GTF2F2: variants seen among roughly 807,000 people sequenced by gnomAD.
GTF2F2 encodes the protein general transcription factor IIF subunit 2.
Under a neutral mutation model 42.2 loss-of-function variants are expected in GTF2F2, and 23 were observed. The observed-to-expected ratio is 0.55, with a 90% confidence interval of 0.39 to 0.77. The LOEUF is 0.77. Ranked by LOEUF, GTF2F2 falls within the 30% of genes least tolerant of loss-of-function variation. GTF2F2 has a pLI of 0.00. For missense variants in GTF2F2, 261 were observed against 287.2 expected (o/e 0.91, Z 0.66); for synonymous variants, 105 against 100.8 (o/e 1.04, Z -0.25).
chr13:45,234,834 T>C (rs1171016993), intron 5 of GTF2F2, among the ~76,000 whole-genome samples: 10 of 151,666 alleles, frequency 6.6e-5, no homozygotes, highest in Admixed American at 3.9e-4. Flanking sequence ...TCACCTGAGG[T>C]TGAGAGTTTG....
chr13:45,266,341 C>T (rs1336705615), intron 6 of GTF2F2, among the ~76,000 whole-genome samples: 1 of 151,944 alleles, frequency 6.6e-6, no homozygotes, highest in Non-Finnish European at 1.5e-5. Context: ...ATATAATTAC[C>T]CCTTTCTCTT....
chr13:45,195,011 G>T (rs1872821638), intron 4 of GTF2F2, among the ~76,000 whole-genome samples: 1 of 152,176 alleles, frequency 6.6e-6, no homozygotes, highest in South Asian at 2.1e-4. Flanking sequence ...GGAAAATAAT[G>T]TATATTGATT....
rs111579138 is a variant in GTF2F2, at chr13:45,207,859, C to T, written c.386+354C>T. Reference sequence around the variant, plus strand: ...AATTTTTCCATAATAAATATGTATCCGAAATACTGTAACTGGGCCAGGCAT... The same window carrying T: ...AATTTTTCCATAATAAATATGTATCTGAAATACTGTAACTGGGCCAGGCAT... On this transcript the variant is annotated intron_variant, in intron 5 of 7. Transcript: ENST00000340473. Among the ~76,000 whole-genome samples the T allele has an allele frequency of 2.5e-3, 380 of 151,764 alleles. 4 individuals are homozygous for T. Among genetic ancestry groups the T allele is most frequent in the African/African-American group, 8.6e-3 (357 of 41,350 alleles).
chr13:45,149,652 A>T, intron 2 of GTF2F2, 118 bp from the exon 3 acceptor site: 1 of 1,023,228 alleles, frequency 9.8e-7, no homozygotes. Flanking sequence ...AATATTGGTT[A>T]ATCTCTGTAA....
chr13:45,237,240 T>C (rs1203762239), intron 5 of GTF2F2, among the ~76,000 whole-genome samples: 1 of 152,218 alleles, frequency 6.6e-6, no homozygotes, highest in African/African-American at 2.4e-5. Context: ...TTGCATGTTT[T>C]ACCTGCAGCT....
intron 4 of GTF2F2, among the ~76,000 whole-genome samples, chr13:45,172,204 C>G (rs1454359346): frequency 6.6e-6 from 1 of 152,182 alleles, no homozygotes; most frequent in Non-Finnish European, 1.5e-5. Flanking sequence ...TATAGCCAAC[C>G]AAGTGGATGG....
chr13:45,200,954 G>C (rs1248793112), intron 4 of GTF2F2, among the ~76,000 whole-genome samples: 1 of 152,222 alleles, frequency 6.6e-6, no homozygotes, highest in Admixed American at 6.5e-5. Flanking sequence ...ATGTTGGTCA[G>C]TAGTCCTCTG....
intron 6 of GTF2F2, among the ~76,000 whole-genome samples, chr13:45,265,027 G>A (rs560371805): frequency 2.0e-5 from 3 of 152,230 alleles, no homozygotes; most frequent in East Asian, 1.9e-4. Context: ...TTGGGAGGCC[G>A]AGGCGGGCGG....
chr13:45,135,185 C>T (rs1016477403), intron 1 of GTF2F2, among the ~76,000 whole-genome samples: 3 of 152,024 alleles, frequency 2.0e-5, no homozygotes, highest in Non-Finnish European at 2.9e-5. Context: ...AACTCCTGAC[C>T]TCAAGTGATC....
chr13:45,258,761 A>G (rs1392292840), intron 6 of GTF2F2, among the ~76,000 whole-genome samples: 2 of 152,230 alleles, frequency 1.3e-5, no homozygotes, highest in Non-Finnish European at 2.9e-5. Flanking sequence ...TATCTTGTGT[A>G]TGCTTATATC....
Position 45,252,420 on chromosome 13 carries a change from G to C in GTF2F2, c.387-451G>C, listed in dbSNP as rs76981164. On this transcript the variant is annotated intron_variant, in intron 5 of 7. Coordinates refer to ENST00000340473, the MANE Select transcript of GTF2F2 (RefSeq NM_004128.3). ...GTGATGATAGAAATGTTCTCTCTCT[G>C]TGCTGTTCAGTAAACCTTGAGTGTT... Among the ~76,000 whole-genome samples the C allele has an allele frequency of 7.4e-3, 1,132 of 152,264 alleles. 15 individuals are homozygous for C. Among genetic ancestry groups the C allele is most frequent in the African/African-American group, 0.022 (934 of 41,564 alleles).
At chr13:45,229,854 G>A (rs1177185719) in intron 5 of GTF2F2, among the ~76,000 whole-genome samples, 1 of 152,142 alleles carries the variant, frequency 6.6e-6, no homozygotes, top group Non-Finnish European at 1.5e-5. Flanking sequence ...AACAAGGAAA[G>A]TAGAATACAT....
At chr13:45,212,447 G>GTTTCTTTCTTTCTTTTCTTTCTTTC (rs1555269186) in intron 5 of GTF2F2, among the ~76,000 whole-genome samples, 1 of 45,678 alleles carries the variant, frequency 2.2e-5, no homozygotes, top group Non-Finnish European at 4.3e-5. Context: ...TTTCTTTCTT[G>GTTTCTTTCTTTCTTTTCTTTCTTTC]TTTCTTTCTT....
At chr13:45,168,881 T>C (rs1340475894) in intron 4 of GTF2F2, among the ~76,000 whole-genome samples, 9 of 4,470 alleles carry the variant, frequency 2.0e-3, no homozygotes, top group Admixed American at 8.4e-3. Context: ...CTCTCCCTCC[T>C]TCCCTCCCTC....
intron 5 of GTF2F2, among the ~76,000 whole-genome samples, chr13:45,211,107 A>G (rs904260747): frequency 1.3e-5 from 2 of 152,160 alleles, no homozygotes; most frequent in Non-Finnish European, 2.9e-5. Context: ...TGAATATCCC[A>G]GATTGGCTCC....
At chr13:45,184,459 C>T (rs1872322319) in intron 4 of GTF2F2, among the ~76,000 whole-genome samples, 1 of 149,354 alleles carries the variant, frequency 6.7e-6, no homozygotes, top group African/African-American at 2.5e-5. Context: ...CATGATCCTA[C>T]CTCACTGCAG....
At chr13:45,169,778 G>A (rs2138142953) in intron 4 of GTF2F2, among the ~76,000 whole-genome samples, 1 of 152,186 alleles carries the variant, frequency 6.6e-6, no homozygotes, top group East Asian at 1.9e-4. Context: ...TTGAATCCAT[G>A]GATCCAGTAT....
intron 6 of GTF2F2, among the ~76,000 whole-genome samples, chr13:45,263,314 G>A (rs1420439685): frequency 4.6e-5 from 7 of 151,436 alleles, no homozygotes; most frequent in East Asian, 2.0e-4. Flanking sequence ...TGCAAGCTCC[G>A]CCTCCCAAGG....
At chr13:45,137,394 T>G (rs1371122956) in intron 2 of GTF2F2, among the ~76,000 whole-genome samples, 1 of 152,256 alleles carries the variant, frequency 6.6e-6, no homozygotes, top group Non-Finnish European at 1.5e-5. Context: ...ATGTCCATGA[T>G]TCCATTGAAA....
Sources: allele counts gnomAD v4.1 joint callset (sites outside exome capture counted in the v4.1 genomes callset), GRCh38; gene constraint gnomAD v4.1.1; transcripts MANE v1.5; gene names NCBI Gene and HGNC (gene_info 2026-07-23, HGNC 2026-07-21).